Variants in MS4A4E observed in about 807,000 individuals in gnomAD.
MS4A4E encodes the protein membrane spanning 4-domains A4E, also known as putative membrane-spanning 4-domains subfamily A member 4E.
MS4A4E carries 23 observed loss-of-function variants against 13.3 expected under a neutral mutation model. The observed-to-expected ratio is 1.73, with a 90% confidence interval of 1.25 to 2.45. The LOEUF (loss-of-function observed/expected upper bound fraction) is 2.45, where lower values mean the gene tolerates loss of function less well. MS4A4E is among the 30% of genes most tolerant of loss of function. MS4A4E has a pLI of 0.00. For missense variants in MS4A4E, 144 were observed against 131.2 expected, an observed-to-expected ratio of 1.10 and a Z score of -0.48; for synonymous variants, 36 against 45.6, an observed-to-expected ratio of 0.79 and a Z score of 0.85.
Position 60,242,939 on chromosome 11 carries a change from G to A in MS4A4E, c.-17+19C>T. On this transcript the variant is annotated intron_variant, in intron 1 of 8. Transcript: ENST00000651255. ...AACTATCAGTCCGAGAGCCTAGGAA[G>A]GCAAGTCCCTGGACCTACCTTTCTT... is the stretch of plus-strand genomic sequence containing the variant. 2.6e-6 allele frequency: 4 copies of A among 1,551,506 alleles called. No individual in the cohort carries two copies. Among genetic ancestry groups the A allele is most frequent in the Non-Finnish European group, 3.5e-6 (4 of 1,128,808 alleles).
chr11:60,208,058 G>A (rs1473325166), intron 6 of MS4A4E, among the ~76,000 whole-genome samples: 1 of 152,178 alleles, frequency 6.6e-6, no homozygotes, highest in East Asian at 1.9e-4. Context: ...GGGAAAAAGA[G>A]CTTTTATTTA....
Position 60,213,112 on chromosome 11 carries a change from C to T in MS4A4E, c.243G>A (p.Lys81=). 1.6e-6 allele frequency: 1 copy of T among 610,816 alleles called. No homozygotes were observed. Among genetic ancestry groups the T allele is most frequent in the South Asian group, 2.3e-5 (1 of 43,866 alleles). The allele number at this position is 610,816 out of a possible 1,614,324, so 37.8% of individuals were successfully genotyped here. Reference sequence around the variant, plus strand: ...TAGCCAAGACTGAACTGGTGATATTCTTTCCTAGACTACCTCCAACCTAGA... The same window carrying T: ...TAGCCAAGACTGAACTGGTGATATTTTTTCCTAGACTACCTCCAACCTAGA... ...TKGLVGGSLG[K]NITSSVLAIS... Residue 81 remains lysine, a synonymous_variant, in exon 5 of 9, where the codon AAG becomes AAA. Transcript: ENST00000651255.
intron 1 of MS4A4E, among the ~76,000 whole-genome samples, chr11:60,234,569 C>T (rs1436451451): frequency 6.6e-6 from 1 of 151,806 alleles, no homozygotes; most frequent in East Asian, 1.9e-4. Context: ...TTTGTGCACT[C>T]ACTTCCATCT....
intron 1 of MS4A4E, among the ~76,000 whole-genome samples, chr11:60,235,002 C>T (rs1391225226): frequency 1.3e-5 from 2 of 152,104 alleles, no homozygotes; most frequent in East Asian, 1.9e-4. Context: ...GAAGGACTGC[C>T]TGTACTTAGG....
intron 3 of MS4A4E, among the ~76,000 whole-genome samples, chr11:60,220,263 G>A (rs746314705): frequency 2.6e-5 from 4 of 152,198 alleles, no homozygotes; most frequent in Non-Finnish European, 4.4e-5. Flanking sequence ...ATTATCATGA[G>A]CTTAACCAAG....
intron 1 of MS4A4E, among the ~76,000 whole-genome samples, chr11:60,235,005 T>C (rs1201597654): frequency 1.3e-5 from 2 of 152,184 alleles, no homozygotes. Flanking sequence ...GGACTGCCTG[T>C]ACTTAGGTCA....
At chr11:60,222,348 G>A (rs999054687) in intron 3 of MS4A4E, among the ~76,000 whole-genome samples, 11 of 152,146 alleles carry the variant, frequency 7.2e-5, no homozygotes, top group South Asian at 2.1e-4. Context: ...AAAGAAATGC[G>A]GCAGTGGGCT....
Position 60,211,209 on chromosome 11 carries a change from A to G in MS4A4E, c.381+1765T>C, listed in dbSNP as rs537633873. Among the ~76,000 whole-genome samples the G allele has an allele frequency of 5.9e-5, 9 of 152,354 alleles. No homozygotes were observed. In the South Asian group the frequency reaches 1.4e-3, roughly 25 times the overall value. On this transcript the variant is annotated intron_variant, in intron 5 of 8. Transcript: ENST00000651255. ...TAGAGACAAGAAGTTCTACAATTGA[A>G]TCTTGCTTTTGCCAATTTCTAACTG...
intron 3 of MS4A4E, among the ~76,000 whole-genome samples, chr11:60,219,038 A>T (rs1360255590): frequency 6.6e-6 from 1 of 152,090 alleles, no homozygotes. Context: ...AAAATGCCTG[A>T]TCTCCTTGGT....
chr11:60,212,108 C>G (rs1565119438), intron 5 of MS4A4E, among the ~76,000 whole-genome samples: 1 of 152,010 alleles, frequency 6.6e-6, no homozygotes. Context: ...ATTGAGATAG[C>G]ATTGAAATAA....
At position 60,214,569 on chromosome 11, in the gene MS4A4E, ACC is replaced by A; in HGVS notation, c.222_222+1del. 1 of 1,522,928 alleles carries A rather than the reference ACC, an allele frequency of 6.6e-7. No individual in the cohort carries two copies. Among genetic ancestry groups the A allele is most frequent in the South Asian group, 1.2e-5 (1 of 81,534 alleles). The allele number at this position is 1,522,928 out of a possible 1,614,324, so 94.3% of individuals were successfully genotyped here. A position where few individuals can be genotyped will look rare whatever the true frequency, so the allele number is the denominator to read the frequency against. The stretch of plus-strand genomic sequence containing the variant: ...TGATACCCCCCACAAAACATTACTC[ACC>A]AGACCTTTTGTTGTTCTAATTCCTG... On this transcript the variant is annotated splice_donor_variant and coding_sequence_variant, in exon 4 of 9. Transcript: ENST00000651255. LOFTEE classifies it high-confidence loss of function.
rs183416397 is a variant in MS4A4E at position 60,234,883 on chromosome 11, A to T, written c.-16-4812T>A. 7.4e-3 allele frequency among the ~76,000 whole-genome samples: 485 copies of T among 65,198 alleles called. 4 individuals are homozygous for T. Among genetic ancestry groups the T allele is most frequent in the African/African-American group, 0.017 (448 of 25,840 alleles). The allele number at this position is 65,198 out of a possible 152,430, so 42.8% of individuals were successfully genotyped here. A position where few individuals can be genotyped will look rare whatever the true frequency, so the allele number is the denominator to read the frequency against. On this transcript the variant is annotated intron_variant, in intron 1 of 8. Coordinates refer to ENST00000651255, the MANE Select transcript of MS4A4E (RefSeq NM_001393391.1). ...CTTCAATCACAGAGTGGCTGAATTT[A>T]AAAAAAAAAACAGATCTATATGCTA...
chr11:60,220,045 G>C (rs2084248807), intron 3 of MS4A4E, among the ~76,000 whole-genome samples: 1 of 152,168 alleles, frequency 6.6e-6, no homozygotes, highest in Admixed American at 6.5e-5. Context: ...TACTATGGTG[G>C]AAAAGGCCAA....
intron 1 of MS4A4E, 63 bp from the exon 2 acceptor site, chr11:60,230,134 T>C: frequency 6.7e-7 from 1 of 1,488,818 alleles, no homozygotes; most frequent in South Asian, 1.4e-5. Context: ...TCTTGACACT[T>C]TGGGGCAGAT....
chr11:60,223,103 G>A (rs564185391), intron 3 of MS4A4E, among the ~76,000 whole-genome samples: 1 of 152,092 alleles, frequency 6.6e-6, no homozygotes, highest in Admixed American at 6.5e-5. Context: ...AGGGAATACA[G>A]AATCGGTGGT....
intron 3 of MS4A4E, among the ~76,000 whole-genome samples, chr11:60,216,382 G>A (rs546585006): frequency 6.6e-6 from 1 of 152,198 alleles, no homozygotes; most frequent in Non-Finnish European, 1.5e-5. Flanking sequence ...TCTGATAATG[G>A]AGTGACCCTA....
intron 3 of MS4A4E, among the ~76,000 whole-genome samples, chr11:60,218,375 T>C (rs2084224025): frequency 6.6e-6 from 1 of 152,212 alleles, no homozygotes; most frequent in Non-Finnish European, 1.5e-5. Context: ...GTACAGTACT[T>C]GATGTCTGTG....
At chr11:60,237,664 A>G (rs1481620183) in intron 1 of MS4A4E, among the ~76,000 whole-genome samples, 2 of 152,030 alleles carry the variant, frequency 1.3e-5, no homozygotes, top group Non-Finnish European at 1.5e-5. Context: ...GTAAGGGGGC[A>G]TTTCATTATG....
chr11:60,239,834 A>G (rs935636709), intron 1 of MS4A4E, among the ~76,000 whole-genome samples: 1 of 152,240 alleles, frequency 6.6e-6, no homozygotes, highest in African/African-American at 2.4e-5. Flanking sequence ...GCAAACGAAT[A>G]AAATAAAATA....
Sources: allele counts gnomAD v4.1 joint callset (sites outside exome capture counted in the v4.1 genomes callset), GRCh38; gene constraint gnomAD v4.1.1; transcripts MANE v1.5; gene names NCBI Gene and HGNC (gene_info 2026-07-23, HGNC 2026-07-21).